Variants in BCL2L13 observed in about 807,000 individuals in gnomAD.
The protein encoded by BCL2L13 is BCL2 like 13.
Under a neutral mutation model 25.8 loss-of-function variants are expected in BCL2L13, and 13 were observed. That is an observed-to-expected ratio of 0.50 (90% CI 0.33 to 0.80). The LOEUF is 0.80. Ranked by LOEUF, BCL2L13 falls within the 30% of genes least tolerant of loss-of-function variation. The probability of loss-of-function intolerance (pLI) is 0.02; values close to 1 mark genes in which losing one functional copy is unlikely to be tolerated. For missense variants in BCL2L13, 504 were observed against 574.9 expected (o/e 0.88, Z 1.26); for synonymous variants, 244 against 230.3 (o/e 1.06, Z -0.54).
At chr22:17,684,888 A>AC (rs1555886484) in intron 3 of BCL2L13, among the ~76,000 whole-genome samples, 2 of 151,850 alleles carry the variant, frequency 1.3e-5, no homozygotes, top group Non-Finnish European at 2.9e-5. Flanking sequence ...GCCTGCCACC[A>AC]CACCCGACTA....
chr22:17,703,662 A>T (rs1277142420), intron 6 of BCL2L13: 1 of 152,228 alleles, frequency 6.6e-6, no homozygotes, highest in Admixed American at 6.5e-5. Context: ...ATGGATACTA[A>T]TATCGAACAT....
intron 2 of BCL2L13, 133 bp downstream of exon 2, chr22:17,655,965 G>A: frequency 1.1e-6 from 1 of 907,018 alleles, no homozygotes; most frequent in Non-Finnish European, 1.5e-6. Context: ...TGTTAGGGCT[G>A]GGCGCGGTGG....
At chr22:17,726,038 AT>A (rs2061286760) in intron 6 of BCL2L13, among the ~76,000 whole-genome samples, 1 of 152,046 alleles carries the variant, frequency 6.6e-6, no homozygotes, top group Admixed American at 6.6e-5. Flanking sequence ...TTGTGATGTC[AT>A]TTCAGCACTC....
chr22:17,638,953 G>A (rs912915681), intron 1 of BCL2L13, 67 bp downstream of exon 1: 60 of 1,185,704 alleles, frequency 5.1e-5, no homozygotes, highest in Non-Finnish European at 5.9e-5. Flanking sequence ...GGGTAGGAAA[G>A]TGCCCAGAGA....
At chr22:17,704,550 C>T (rs1297354908) in intron 6 of BCL2L13, among the ~76,000 whole-genome samples, 11 of 151,858 alleles carry the variant, frequency 7.2e-5, no homozygotes, top group Admixed American at 4.6e-4. Context: ...CCAAGGCAGG[C>T]GGATCACCTG....
At chr22:17,633,855 A>G (rs774019424), upstream of BCL2L13, among the ~76,000 whole-genome samples, 98 of 151,526 alleles carry the variant, frequency 6.5e-4, no homozygotes, top group Non-Finnish European at 1.2e-3. Flanking sequence ...CCAATTTACA[A>G]CTCTGTCATG....
chr22:17,633,131 C>T (rs930223666), intron 1 of BCL2L13, among the ~76,000 whole-genome samples: 1 of 152,156 alleles, frequency 6.6e-6, no homozygotes, highest in Non-Finnish European at 1.5e-5. Context: ...ATACCATGCA[C>T]CACTACCCAA....
At position 17,729,539 on chromosome 22, in the gene BCL2L13, A is replaced by C. The variant is rs111323042; in HGVS notation, c.*2005A>C. The C allele has an allele frequency of 3.9e-5, 6 of 152,216 alleles. No homozygotes were observed. Among genetic ancestry groups the C allele is most frequent in the African/African-American group, 1.4e-4 (6 of 41,452 alleles). 9.4% of individuals were successfully genotyped at this position (152,216 alleles called of 1,614,324 possible). On this transcript the variant is annotated 3_prime_UTR_variant, in exon 7 of 7. Coordinates refer to ENST00000317582, the MANE Select transcript of BCL2L13 (RefSeq NM_015367.4). ...ATGAGTTCCAGTATTAACACTTGCC[A>C]GTTCTGGATCCTCACACCCATTGGC...
intron 5 of BCL2L13, among the ~76,000 whole-genome samples, chr22:17,700,752 T>C (rs1029232780): frequency 6.6e-6 from 1 of 152,226 alleles, no homozygotes; most frequent in African/African-American, 2.4e-5. Context: ...CAATATATTT[T>C]GGGCTGGAGT....
chr22:17,701,046 A>G (rs1425503643), intron 5 of BCL2L13, among the ~76,000 whole-genome samples: 1 of 152,220 alleles, frequency 6.6e-6, no homozygotes, highest in East Asian at 1.9e-4. Context: ...TTTAAACAAA[A>G]GAGATTGCAT....
chr22:17,666,837 G>A lies in BCL2L13; in HGVS notation c.121+11005G>A, dbSNP rs370411644. Among the ~76,000 whole-genome samples the A allele has an allele frequency of 1.7e-4, 26 of 151,460 alleles. 1 individual carries two copies. The East Asian group carries it at 1.8e-3, about 10-fold the overall frequency. The stretch of plus-strand genomic sequence containing the variant: ...TGAGTAGCTGGGTTTACAGGCATGC[G>A]CCACCATGCCCAGCTAATTTTTGTA... On this transcript the variant is annotated intron_variant, in intron 2 of 6. Coordinates refer to ENST00000317582, the MANE Select transcript of BCL2L13 (RefSeq NM_015367.4).
upstream of BCL2L13, among the ~76,000 whole-genome samples, chr22:17,635,099 G>A (rs1027896197): frequency 5.3e-5 from 8 of 151,824 alleles, no homozygotes; most frequent in East Asian, 1.9e-4. Flanking sequence ...AAACTCCCCC[G>A]AAAACTGACC....
At chr22:17,726,350 T>TAA (rs56121786) in intron 6 of BCL2L13, among the ~76,000 whole-genome samples, 13 of 137,084 alleles carry the variant, frequency 9.5e-5, no homozygotes, top group Admixed American at 7.3e-5. Context: ...GACTCCATCT[T>TAA]AAAAAAAAAA....
intron 6 of BCL2L13, among the ~76,000 whole-genome samples, chr22:17,715,120 TTTTATATATATATATATA>T (rs1275171190): frequency 1.6e-3 from 131 of 83,596 alleles, no homozygotes; most frequent in African/African-American, 5.1e-3. Flanking sequence ...TCAGTGTTAA[TTTTATATATATATATATA>T]TATATATATA....
intron 2 of BCL2L13, among the ~76,000 whole-genome samples, chr22:17,665,927 T>C (rs2059217929): frequency 2.6e-5 from 4 of 152,170 alleles, no homozygotes; most frequent in Admixed American, 2.0e-4. Flanking sequence ...AATAAACGTT[T>C]GTGTGTAGGT....
chr22:17,669,685 A>G (rs181699325), intron 2 of BCL2L13, among the ~76,000 whole-genome samples: 6 of 152,258 alleles, frequency 3.9e-5, no homozygotes, highest in Middle Eastern at 3.4e-3. Context: ...AAAATATAGT[A>G]GCCGTTACAA....
chr22:17,685,765 T>TTTC (rs1568972470), intron 3 of BCL2L13, among the ~76,000 whole-genome samples: 3 of 94,860 alleles, frequency 3.2e-5, no homozygotes, highest in African/African-American at 1.4e-4. Flanking sequence ...TTTTTCTTTT[T>TTTC]TTTTTTTTTT....
chr22:17,713,493 G>A (rs1388151192), intron 6 of BCL2L13, among the ~76,000 whole-genome samples: 3 of 134,944 alleles, frequency 2.2e-5, no homozygotes, highest in Non-Finnish European at 3.0e-5. Context: ...ATGGAGTCTC[G>A]CTCTGTCGCC....
chr22:17,725,660 G>C (rs1052879901), intron 6 of BCL2L13, among the ~76,000 whole-genome samples: 1 of 152,086 alleles, frequency 6.6e-6, no homozygotes, highest in African/African-American at 2.4e-5. Context: ...ACAAGGTCTT[G>C]CCTTTGTTTT....
Sources: gnomAD v4.1 joint callset for allele counts (sites outside exome capture counted in the v4.1 genomes callset) on GRCh38, gnomAD v4.1.1 for gene constraint, MANE v1.5 for transcripts, NCBI Gene and HGNC (gene_info 2026-07-23, HGNC 2026-07-21) for gene names.